EXD3: variants seen among roughly 807,000 people sequenced by gnomAD.
The protein encoded by EXD3 is exonuclease mut-7 homolog.
In EXD3, 92 loss-of-function variants were observed where a neutral mutation model predicts 98.0. The ratio of observed to expected loss-of-function variants is 0.94; its 90% CI spans 0.79 to 1.12. The LOEUF (loss-of-function observed/expected upper bound fraction) is 1.12. EXD3 is among the 50% of genes most tolerant of loss of function. The pLI is 0.00. For missense variants in EXD3, 1,222 were observed against 1,191.6 expected, an observed-to-expected ratio of 1.03 and a Z score of -0.38; for synonymous variants, 569 against 526.0, an observed-to-expected ratio of 1.08 and a Z score of -1.12.
chr9:137,397,824 T>C lies in EXD3; in HGVS notation c.-47-2420A>G, dbSNP rs148108146. ...CGGGTGTGGTGGCTCACGCCTTTGG[T>C]TCCAGCTACTCAGCAAGCGGAGGCA... On this transcript the variant is annotated intron_variant, in intron 1 of 21. Coordinates refer to ENST00000340951, the MANE Select transcript of EXD3 (RefSeq NM_017820.5). Among the ~76,000 whole-genome samples, 24 of 152,234 alleles carry C rather than the reference T, an allele frequency of 1.6e-4. No individual in the cohort carries two copies. The East Asian group carries it at 4.6e-3, about 29-fold the overall frequency.
Position 137,307,233 on chromosome 9 carries a change from C to A in EXD3, c.2348G>T (p.Cys783Phe). The change falls in exon 22 of 22, where the codon TGC becomes TTC. Residue 783 changes from cysteine to phenylalanine, a missense_variant. Coordinates refer to ENST00000340951, the MANE Select transcript of EXD3 (RefSeq NM_017820.5). ...CCAGCGGCAGGGGCGGTCATAGGTG[C>A]AGCCCTCAGGGGCTGCGTCTGGGGC... ...GPAPDAAPEG[C>F]TYDRPCRWLQ... 6.4e-7 allele frequency: 1 copy of A among 1,565,086 alleles called. No individual in the cohort carries two copies. Among genetic ancestry groups the A allele is most frequent in the East Asian group, 2.3e-5 (1 of 42,610 alleles).
chr9:137,373,900 C>T lies in EXD3; in HGVS notation c.121-301G>A, dbSNP rs150393030. Among the ~76,000 whole-genome samples the T allele has an allele frequency of 2.2e-3, 333 of 152,390 alleles. 1 individual carries two copies. Among genetic ancestry groups the T allele is most frequent in the African/African-American group, 7.2e-3 (300 of 41,602 alleles). Reference sequence around the variant, plus strand: ...AACCGTAGCCCGAGCCACAGGTTCACAAGTCACTTTACCTGCGGCACTCGC... The same window carrying T: ...AACCGTAGCCCGAGCCACAGGTTCATAAGTCACTTTACCTGCGGCACTCGC... On this transcript the variant is annotated intron_variant, in intron 3 of 21. Coordinates refer to ENST00000340951, the MANE Select transcript of EXD3 (RefSeq NM_017820.5).
intron 8 of EXD3, 113 bp from the exon 9 acceptor site, chr9:137,354,886 C>T (rs1173545778): frequency 3.8e-6 from 4 of 1,048,320 alleles, no homozygotes; most frequent in Non-Finnish European, 5.4e-6. Flanking sequence ...TCACCGTCCT[C>T]CACCTCTGCC....
chr9:137,352,242 C>G, intron 11 of EXD3, 41 bp from the exon 12 acceptor site: 3 of 1,610,130 alleles, frequency 1.9e-6, no homozygotes, highest in Non-Finnish European at 1.7e-6. Context: ...TGTCCCTGGT[C>G]CCCCACCCAC....
chr9:137,370,034 C>T (rs1294174081), intron 5 of EXD3, among the ~76,000 whole-genome samples: 1 of 152,122 alleles, frequency 6.6e-6, no homozygotes. Context: ...GCTTGGGGGA[C>T]AGGACGAGGA....
At chr9:137,387,375 T>C (rs1199791257) in intron 2 of EXD3, among the ~76,000 whole-genome samples, 6 of 152,194 alleles carry the variant, frequency 3.9e-5, no homozygotes. Context: ...TGGGGAGCCC[T>C]GAGTCTCTCG....
chr9:137,376,665 C>T (rs1835920645), intron 3 of EXD3, among the ~76,000 whole-genome samples: 1 of 152,132 alleles, frequency 6.6e-6, no homozygotes, highest in Admixed American at 6.6e-5. Flanking sequence ...GATGGTGGTT[C>T]ACGCCTGTAA....
chr9:137,316,764 C>CT (rs1831688580), intron 19 of EXD3, among the ~76,000 whole-genome samples: 1 of 152,162 alleles, frequency 6.6e-6, no homozygotes, highest in Non-Finnish European at 1.5e-5. Context: ...GGGGCTGAGT[C>CT]TAAGAGGAGG....
chr9:137,372,556 C>A (rs1267823386), intron 5 of EXD3, among the ~76,000 whole-genome samples: 1 of 152,246 alleles, frequency 6.6e-6, no homozygotes, highest in Non-Finnish European at 1.5e-5. Flanking sequence ...CAGAGGCTAA[C>A]AGACATGGTG....
chr9:137,355,565 G>T (rs1834657284), intron 8 of EXD3, among the ~76,000 whole-genome samples: 1 of 24,816 alleles, frequency 4.0e-5, no homozygotes, highest in Non-Finnish European at 8.1e-5. Context: ...AGGAGGAAGG[G>T]AGGATGGAGG....
At chr9:137,318,062 C>T (rs1473980289) in intron 19 of EXD3, among the ~76,000 whole-genome samples, 1 of 152,082 alleles carries the variant, frequency 6.6e-6, no homozygotes, top group Non-Finnish European at 1.5e-5. Context: ...TAAGGGTCTC[C>T]AGGCCCACGG....
intron 19 of EXD3, among the ~76,000 whole-genome samples, chr9:137,311,132 C>T (rs1831335640): frequency 6.6e-6 from 1 of 152,218 alleles, no homozygotes; most frequent in Non-Finnish European, 1.5e-5. Context: ...AGGTGTTGGA[C>T]AGGTGGGGCT....
At chr9:137,327,138 T>C (rs1343587584) in intron 17 of EXD3, among the ~76,000 whole-genome samples, 1 of 143,948 alleles carries the variant, frequency 6.9e-6, no homozygotes, top group East Asian at 2.7e-4. Context: ...ACGGAGTCTT[T>C]TTTTTTTTTT....
chr9:137,320,138 C>T (rs1285080940), intron 19 of EXD3, among the ~76,000 whole-genome samples: 1 of 152,072 alleles, frequency 6.6e-6, no homozygotes, highest in Admixed American at 6.5e-5. Context: ...CCAGCATCTG[C>T]GGGATGTGCA....
chr9:137,354,638 GGCCAAACTCT>G, intron 9 of EXD3, 52 bp downstream of exon 9: 1 of 1,601,030 alleles, frequency 6.2e-7, no homozygotes. Flanking sequence ...GAGTATCCCA[GGCCAAACTCT>G]GTGGCTCAGG....
intron 7 of EXD3, among the ~76,000 whole-genome samples, chr9:137,359,260 T>C (rs1834940848): frequency 1.2e-5 from 1 of 81,522 alleles, no homozygotes; most frequent in Admixed American, 1.5e-4. Context: ...TGAGCCACCG[T>C]GCCCGGCCAA....
rs190030034 is a variant in EXD3 at position 137,405,775 on chromosome 9, C to T, written c.-47-10371G>A. On this transcript the variant is annotated intron_variant, in intron 1 of 21. Transcript: ENST00000340951. The surrounding 1 kb of genome is among the most constrained non-coding windows in gnomAD (Gnocchi z 4.1). Reference sequence around the variant, plus strand: ...TCAGCATGAGCCTGGCTTCTCCTGCCGGCCGGCACAGGGGTGGGTACCATG... The same window carrying T: ...TCAGCATGAGCCTGGCTTCTCCTGCTGGCCGGCACAGGGGTGGGTACCATG... Among the ~76,000 whole-genome samples the T allele has an allele frequency of 2.2e-3, 334 of 152,332 alleles. 1 individual carries two copies. The highest frequency in any genetic ancestry group is 7.5e-3 in the African/African-American group (310 of 41,576).
At chr9:137,381,633 C>G (rs979543459) in intron 3 of EXD3, among the ~76,000 whole-genome samples, 1 of 152,080 alleles carries the variant, frequency 6.6e-6, no homozygotes, top group African/African-American at 2.4e-5. Context: ...TAGAGGAACA[C>G]CTAAGCCCTC....
intron 20 of EXD3, among the ~76,000 whole-genome samples, chr9:137,309,297 C>G (rs75233705): frequency 6.6e-6 from 1 of 152,036 alleles, no homozygotes; most frequent in Non-Finnish European, 1.5e-5. Flanking sequence ...CTGTGTGCAC[C>G]GCATGCCTGG....
Sources: gnomAD v4.1 joint callset for allele counts (sites outside exome capture counted in the v4.1 genomes callset) on GRCh38, gnomAD v4.1.1 for gene constraint, Gnocchi (gnomAD v3.1) non-coding constraint, MANE v1.5 for transcripts, NCBI Gene and HGNC (gene_info 2026-07-23, HGNC 2026-07-21) for gene names.